The following SRGAP1 variants were observed in gnomAD, a reference collection of about 807,000 sequenced individuals.
SRGAP1 encodes SLIT-ROBO Rho GTPase activating protein 1, also known as SLIT-ROBO Rho GTPase-activating protein 1.
In SRGAP1, 43 loss-of-function variants were observed where a neutral mutation model predicts 121.9. The observed-to-expected ratio is 0.35, with a 90% confidence interval of 0.28 to 0.46. The LOEUF (loss-of-function observed/expected upper bound fraction) is 0.46, where lower values mean the gene tolerates loss of function less well. SRGAP1 is among the 20% of genes least tolerant of loss of function. SRGAP1 has a pLI of 1.00. For missense variants in SRGAP1, 1,102 were observed against 1,350.9 expected, an observed-to-expected ratio of 0.82 and a Z score of 2.89; for synonymous variants, 447 against 485.4, an observed-to-expected ratio of 0.92 and a Z score of 1.04.
chr12:63,909,994 A>G (rs1565946304), intron 1 of SRGAP1, among the ~76,000 whole-genome samples: 1 of 152,246 alleles, frequency 6.6e-6, no homozygotes, highest in Non-Finnish European at 1.5e-5. Context: ...CATGTACACA[A>G]TATCTTCATA....
intron 9 of SRGAP1, 97 bp downstream of exon 9, chr12:64,079,213 T>A: frequency 1.5e-6 from 2 of 1,340,716 alleles, no homozygotes; most frequent in Non-Finnish European, 2.1e-6. Flanking sequence ...GGGGTTCCTT[T>A]TGTTAAAATA....
intron 1 of SRGAP1, among the ~76,000 whole-genome samples, chr12:63,856,632 CTCTA>C (rs1565922563): frequency 3.8e-5 from 3 of 79,934 alleles, no homozygotes. Flanking sequence ...TTTTTGGACA[CTCTA>C]TTGTGTTCCG....
intron 1 of SRGAP1, among the ~76,000 whole-genome samples, chr12:63,858,428 G>C (rs1359451155): frequency 1.3e-5 from 2 of 151,676 alleles, no homozygotes; most frequent in Non-Finnish European, 2.9e-5. Flanking sequence ...CAATCCTCCT[G>C]CCTCGGCCTT....
At chr12:64,092,024 A>G in intron 12 of SRGAP1, 1 of 1,010,754 alleles carries the variant, frequency 9.9e-7, no homozygotes, top group Non-Finnish European at 1.4e-6. Context: ...AAGGTTTTTA[A>G]AAGAAAAATG....
rs778293593 is a variant in SRGAP1, at chr12:64,115,873, A to G, written c.2204A>G (p.Glu735Gly). 9.9e-6 allele frequency: 16 copies of G among 1,613,252 alleles called. No individual in the cohort carries two copies. In the South Asian group the frequency reaches 1.7e-4, roughly 17 times the overall value. ...GAAGTGGACCAAGATGCTGGTACAG[A>G]GCCCCACACAAGTGAAGATGGTATG... ...LEEVDQDAGT[E>G]PHTSEDECEP... Residue 735 changes from glutamate (E) to glycine (G), a missense_variant, in exon 18 of 22, where the codon GAG becomes GGG. Glu to Gly is a moderately conservative substitution (Grantham distance 98, BLOSUM62 -2). This residue lies in a region of SRGAP1 where 747 missense variants were observed against 929.4 expected (regional missense o/e 0.80). Coordinates refer to ENST00000355086, the MANE Select transcript of SRGAP1 (RefSeq NM_020762.4).
At position 64,056,563 on chromosome 12, in the gene SRGAP1, AAAAAG is replaced by A. The variant is rs1330017074; in HGVS notation, c.802-6352_802-6348del. On this transcript the variant is annotated intron_variant, in intron 6 of 21. Coordinates refer to ENST00000355086, the MANE Select transcript of SRGAP1 (RefSeq NM_020762.4). ...ATGAGACTCCACAAAAAAAAAAAAA[AAAAAG>A]AGAGAAAGAAAGAAAAACATAAATC... 1.8e-3 allele frequency among the ~76,000 whole-genome samples: 266 copies of A among 151,736 alleles called. 2 individuals are homozygous for A. Among genetic ancestry groups the A allele is most frequent in the Middle Eastern group, 6.8e-3 (2 of 294 alleles).
chr12:64,127,322 T>C (rs1038399521), intron 19 of SRGAP1, among the ~76,000 whole-genome samples: 9 of 152,244 alleles, frequency 5.9e-5, no homozygotes, highest in Non-Finnish European at 1.0e-4. Context: ...TTCTTAAAAT[T>C]CTAACAGTAG....
intron 1 of SRGAP1, among the ~76,000 whole-genome samples, chr12:63,896,745 G>A (rs1170793617): frequency 6.6e-6 from 1 of 152,170 alleles, no homozygotes; most frequent in African/African-American, 2.4e-5. Context: ...ATGTTTGTGG[G>A]CTGACGCTGG....
At chr12:63,953,819 G>A (rs1325539585) in intron 1 of SRGAP1, among the ~76,000 whole-genome samples, 2 of 152,112 alleles carry the variant, frequency 1.3e-5, no homozygotes, top group Non-Finnish European at 1.5e-5. Context: ...CATGGAACTG[G>A]TTCATGTCAG....
chr12:63,986,050 C>T (rs1216829812), intron 2 of SRGAP1, among the ~76,000 whole-genome samples: 1 of 152,178 alleles, frequency 6.6e-6, no homozygotes, highest in Non-Finnish European at 1.5e-5. Flanking sequence ...AAATACCTCT[C>T]TGTTCTCTTC....
intron 3 of SRGAP1, among the ~76,000 whole-genome samples, chr12:64,007,384 A>G (rs2034117713): frequency 6.6e-6 from 1 of 152,110 alleles, no homozygotes; most frequent in African/African-American, 2.4e-5. Flanking sequence ...CACAGTTCAC[A>G]GTAGGGTTTG....
chr12:63,980,748 C>A (rs576313183), intron 1 of SRGAP1, among the ~76,000 whole-genome samples: 2 of 151,964 alleles, frequency 1.3e-5, no homozygotes, highest in African/African-American at 4.8e-5. Flanking sequence ...CGCATGCCAC[C>A]ACTCCCGGCT....
chr12:63,907,617 T>A (rs968795852), intron 1 of SRGAP1, among the ~76,000 whole-genome samples: 2 of 152,226 alleles, frequency 1.3e-5, no homozygotes, highest in African/African-American at 4.8e-5. Flanking sequence ...TTATATTTTC[T>A]AGATATAAAC....
chr12:64,133,630 AAATTGTCAG>A (rs1167504881), intron 21 of SRGAP1, among the ~76,000 whole-genome samples: 1 of 152,154 alleles, frequency 6.6e-6, no homozygotes, highest in Non-Finnish European at 1.5e-5. Flanking sequence ...TTCACTGCAT[AAATTGTCAG>A]TAATATAGCG....
At chr12:64,133,644 A>G (rs566903190) in intron 21 of SRGAP1, among the ~76,000 whole-genome samples, 1 of 152,224 alleles carries the variant, frequency 6.6e-6, no homozygotes, top group Non-Finnish European at 1.5e-5. Flanking sequence ...TGTCAGTAAT[A>G]TAGCGGGGTC....
At chr12:63,932,279 T>C (rs2031504791) in intron 1 of SRGAP1, among the ~76,000 whole-genome samples, 2 of 152,118 alleles carry the variant, frequency 1.3e-5, no homozygotes, top group African/African-American at 2.4e-5. Context: ...AGACTCTGTC[T>C]CAAAAAAACA....
At chr12:63,846,941 A>G (rs547392107) in intron 1 of SRGAP1, among the ~76,000 whole-genome samples, 3 of 152,246 alleles carry the variant, frequency 2.0e-5, no homozygotes, top group Non-Finnish European at 4.4e-5. Flanking sequence ...CCAGCTGTCC[A>G]ATGCAGGGAG....
intron 11 of SRGAP1, among the ~76,000 whole-genome samples, chr12:64,090,366 G>A (rs1461087947): frequency 6.6e-6 from 1 of 152,242 alleles, no homozygotes; most frequent in East Asian, 1.9e-4. Flanking sequence ...AGATATTTAG[G>A]TGGTGGAATA....
intron 1 of SRGAP1, among the ~76,000 whole-genome samples, chr12:63,920,308 C>T (rs1281346499): frequency 6.6e-6 from 1 of 152,146 alleles, no homozygotes; most frequent in East Asian, 1.9e-4. Flanking sequence ...AACGACCAAA[C>T]CATGAATGAC....
Sources: allele counts gnomAD v4.1 joint callset (sites outside exome capture counted in the v4.1 genomes callset), GRCh38; gene constraint gnomAD v4.1.1; regional missense constraint gnomAD v4.1.1; transcripts MANE v1.5; gene names NCBI Gene and HGNC (gene_info 2026-07-23, HGNC 2026-07-21).